The following ATP11C variants were observed in gnomAD, a reference collection of about 807,000 sequenced individuals.
The protein encoded by ATP11C is phospholipid-transporting ATPase IG.
Under a neutral mutation model 97.4 loss-of-function variants are expected in ATP11C, and 36 were observed. The observed-to-expected ratio is 0.37, with a 90% confidence interval of 0.28 to 0.49. The LOEUF is 0.49. Ranked by LOEUF, ATP11C falls within the 20% of genes least tolerant of loss-of-function variation. The pLI is 0.98. For synonymous variants in ATP11C, 275 were observed against 290.9 expected (o/e 0.95, Z 0.56); for missense variants, 730 against 824.6 (o/e 0.89, Z 1.40).
intron 28 of ATP11C, 55 bp downstream of exon 28, chrX:139,737,861 G>A (rs1241123265): frequency 8.8e-7 from 1 of 1,131,261 alleles, no homozygotes; most frequent in Non-Finnish European, 1.2e-6. Context: ...TTAGCTCATG[G>A]CAGATATTGA....
At chrX:139,824,650 G>T (rs1310677144) in intron 2 of ATP11C, among the ~76,000 whole-genome samples, 1 of 111,247 alleles carries the variant, frequency 9.0e-6, no homozygotes, top group Non-Finnish European at 1.9e-5. Flanking sequence ...TCGCGCCACT[G>T]AACTCCAGCC....
chrX:139,855,391 T>C (rs2084072977), intron 1 of ATP11C, among the ~76,000 whole-genome samples: 1 of 111,656 alleles, frequency 9.0e-6, no homozygotes. Flanking sequence ...AGCGCCAGCC[T>C]GAAGATCACG....
At chrX:139,777,928 T>C (rs1314257566) in intron 18 of ATP11C, among the ~76,000 whole-genome samples, 1 of 109,571 alleles carries the variant, frequency 9.1e-6, no homozygotes, top group Admixed American at 9.8e-5. Context: ...AGTGGTGCAG[T>C]CATGGCTCAC....
chrX:139,798,430 T>C (rs2082847740), intron 9 of ATP11C, 76 bp from the exon 10 acceptor site: 1 of 821,825 alleles, frequency 1.2e-6, no homozygotes, highest in Non-Finnish European at 1.8e-6. Context: ...TATGAATTTT[T>C]AAGTCTATAA....
At chrX:139,907,737 C>G (rs1418080228) in intron 1 of ATP11C, among the ~76,000 whole-genome samples, 2 of 108,204 alleles carry the variant, frequency 1.8e-5, no homozygotes, top group South Asian at 4.2e-4. Flanking sequence ...GACAGAGCGA[C>G]ACTCTGTCTC....
intron 7 of ATP11C, 25 bp from the exon 8 acceptor site, chrX:139,800,135 T>C (rs1211552564): frequency 1.8e-6 from 2 of 1,120,079 alleles, no homozygotes; most frequent in Non-Finnish European, 2.4e-6. Flanking sequence ...AAATTGCAAA[T>C]GTGTTTTCTA....
At chrX:139,732,651 C>T (rs1230842833) in intron 28 of ATP11C, 13 of 198,520 alleles carry the variant, frequency 6.5e-5, no homozygotes, top group Non-Finnish European at 8.7e-5. Context: ...CTTGAGAATT[C>T]GAAGCCGAAA....
intron 1 of ATP11C, among the ~76,000 whole-genome samples, chrX:139,931,741 C>G (rs2148200596): frequency 9.0e-6 from 1 of 111,456 alleles, no homozygotes; most frequent in East Asian, 2.9e-4. Flanking sequence ...CACCACCCAG[C>G]CCGAAGGCGG....
chrX:139,882,917 A>C (rs775400841), intron 1 of ATP11C, among the ~76,000 whole-genome samples: 5 of 111,663 alleles, frequency 4.5e-5, no homozygotes, highest in African/African-American at 1.6e-4. Flanking sequence ...GGAAGTGTAG[A>C]AGAAGCTGGG....
At chrX:139,777,059 A>T (rs2082362368) in intron 18 of ATP11C, among the ~76,000 whole-genome samples, 1 of 112,035 alleles carries the variant, frequency 8.9e-6, no homozygotes, top group Admixed American at 9.5e-5. Context: ...AAATTCAAAA[A>T]TAAGAAGCAA....
chrX:139,936,095 T>A (rs1445785566), upstream of ATP11C, among the ~76,000 whole-genome samples: 1 of 109,541 alleles, frequency 9.1e-6, no homozygotes, highest in Non-Finnish European at 1.9e-5. Context: ...TCCAGGAGTT[T>A]GAGTCCAGCC....
intron 1 of ATP11C, among the ~76,000 whole-genome samples, chrX:139,873,496 C>T (rs1238978042): frequency 9.1e-6 from 1 of 109,568 alleles, no homozygotes; most frequent in Non-Finnish European, 1.9e-5. Flanking sequence ...TCATTTGAGG[C>T]CAGGAGTTGG....
chrX:139,908,512 G>A (rs1376832133), intron 1 of ATP11C, among the ~76,000 whole-genome samples: 1 of 112,236 alleles, frequency 8.9e-6, no homozygotes, highest in African/African-American at 3.2e-5. Context: ...GGTCCCCATT[G>A]CCTAGCATAT....
chrX:139,752,505 C>T (rs752541880), intron 23 of ATP11C, among the ~76,000 whole-genome samples: 7 of 111,649 alleles, frequency 6.3e-5, no homozygotes, highest in East Asian at 2.8e-4. Flanking sequence ...AGACAATCCA[C>T]GGTTTAAATC....
chrX:139,916,090 G>A (rs1196473083), intron 1 of ATP11C, among the ~76,000 whole-genome samples: 3 of 109,642 alleles, frequency 2.7e-5, no homozygotes, highest in South Asian at 4.0e-4. Context: ...TTAGCTGTGC[G>A]TGGTGGCACA....
chrX:139,847,931 T>C (rs900281314), intron 1 of ATP11C, among the ~76,000 whole-genome samples: 2 of 110,962 alleles, frequency 1.8e-5, no homozygotes, highest in Admixed American at 9.6e-5. Context: ...TCCATACTCA[T>C]GGCATCATTC....
chrX:139,819,160 C>G (rs1418033394), intron 3 of ATP11C, among the ~76,000 whole-genome samples, 178 bp downstream of exon 3: 1 of 111,907 alleles, frequency 8.9e-6, no homozygotes, highest in Non-Finnish European at 1.9e-5. Context: ...AAAAACACAA[C>G]TTTAGAAATT....
At chrX:139,916,080 T>C (rs2085152004) in intron 1 of ATP11C, among the ~76,000 whole-genome samples, 1 of 109,811 alleles carries the variant, frequency 9.1e-6, no homozygotes, top group Non-Finnish European at 1.9e-5. Context: ...AATACAAAAA[T>C]TAGCTGTGCG....
intron 1 of ATP11C, among the ~76,000 whole-genome samples, chrX:139,867,525 C>T (rs755533311): frequency 9.8e-5 from 11 of 111,827 alleles, no homozygotes; most frequent in South Asian, 3.8e-4. Context: ...AAGACAGGCA[C>T]CCAAATAGAT....
Sources: gnomAD v4.1 joint callset for allele counts (sites outside exome capture counted in the v4.1 genomes callset) on GRCh38, gnomAD v4.1.1 for gene constraint, MANE v1.5 for transcripts, NCBI Gene and HGNC (gene_info 2026-07-23, HGNC 2026-07-21) for gene names.